CCNY: variants seen among roughly 807,000 people sequenced by gnomAD.
The protein encoded by CCNY is cyclin-Y.
CCNY carries 19 observed loss-of-function variants against 42.8 expected under a neutral mutation model. That is an observed-to-expected ratio of 0.44 (90% CI 0.31 to 0.65). The LOEUF is 0.65. Among genes scored for constraint, CCNY ranks in the 30% least tolerant of loss-of-function variants. The pLI is 0.07. For missense variants in CCNY, 370 were observed against 437.3 expected (o/e 0.85, Z 1.37); for synonymous variants, 165 against 162.7 (o/e 1.01, Z -0.11).
intron 3 of CCNY, among the ~76,000 whole-genome samples, chr10:35,266,114 G>C (rs537818411): frequency 3.4e-4 from 51 of 151,980 alleles, no homozygotes; most frequent in Non-Finnish European, 2.9e-5. Context: ...GTCTTGCTCT[G>C]TCCCCCAGGC....
chr10:35,312,006 T>C (rs562275551), intron 3 of CCNY, among the ~76,000 whole-genome samples: 1 of 150,126 alleles, frequency 6.7e-6, no homozygotes, highest in Non-Finnish European at 1.5e-5. Flanking sequence ...TTTTGTTTGG[T>C]TCCTTCTTGT....
intron 7 of CCNY, 53 bp from the exon 8 acceptor site, chr10:35,552,966 G>A (rs1841290218): frequency 6.5e-7 from 1 of 1,540,682 alleles, no homozygotes; most frequent in Non-Finnish European, 8.9e-7. Context: ...GAGGTGTGCT[G>A]GTGTTTAGGA....
intron 3 of CCNY, among the ~76,000 whole-genome samples, chr10:35,266,802 C>T (rs554432550): frequency 3.3e-5 from 5 of 152,048 alleles, no homozygotes; most frequent in Admixed American, 2.0e-4. Flanking sequence ...GACCTACTGT[C>T]GCCGGGTGCG....
chr10:35,451,003 C>T (rs962952824), intron 1 of CCNY, among the ~76,000 whole-genome samples: 4 of 152,048 alleles, frequency 2.6e-5, no homozygotes, highest in Admixed American at 2.0e-4. Flanking sequence ...GTTTTTTGTG[C>T]CCATGATCTC....
chr10:35,541,113 AT>A (rs34128223), intron 7 of CCNY, among the ~76,000 whole-genome samples: 288 of 150,292 alleles, frequency 1.9e-3, no homozygotes, highest in Non-Finnish European at 3.1e-3. Context: ...TTGATTTGAG[AT>A]TTTTTTTTAA....
chr10:35,511,448 A>C (rs2135402296), intron 3 of CCNY, among the ~76,000 whole-genome samples: 1 of 152,304 alleles, frequency 6.6e-6, no homozygotes. Flanking sequence ...CACTGTCAGC[A>C]GAGTGCTGAA....
intron 1 of CCNY, chr10:35,434,360 G>T (rs1253705248): frequency 1.3e-5 from 2 of 152,252 alleles, no homozygotes; most frequent in African/African-American, 4.8e-5. Context: ...TTATGACCCT[G>T]ATGGAGTGCC....
chr10:35,482,343 A>G (rs1157546853), intron 1 of CCNY, among the ~76,000 whole-genome samples: 1 of 152,170 alleles, frequency 6.6e-6, no homozygotes, highest in Admixed American at 6.5e-5. Flanking sequence ...CTGACTCTCT[A>G]AGTTGGTTTG....
intron 3 of CCNY, among the ~76,000 whole-genome samples, chr10:35,266,217 A>G (rs1229718716): frequency 6.7e-6 from 1 of 149,016 alleles, no homozygotes; most frequent in Non-Finnish European, 1.5e-5. Context: ...AGCTGGGATT[A>G]CAGGCATGCG....
chr10:35,450,502 G>C (rs560467589), intron 1 of CCNY, among the ~76,000 whole-genome samples: 42 of 152,174 alleles, frequency 2.8e-4, no homozygotes, highest in African/African-American at 8.9e-4. Flanking sequence ...GGGACAGCCT[G>C]GGAGTTGTCA....
chr10:35,248,929 C>G (rs945352032), intron 2 of CCNY, among the ~76,000 whole-genome samples: 1 of 152,070 alleles, frequency 6.6e-6, no homozygotes, highest in African/African-American at 2.4e-5. Context: ...TTTTAAAAGT[C>G]TTTTTTAGTG....
At chr10:35,510,734 A>G (rs555156579) in intron 3 of CCNY, among the ~76,000 whole-genome samples, 1 of 152,198 alleles carries the variant, frequency 6.6e-6, no homozygotes, top group Non-Finnish European at 1.5e-5. Context: ...TGATGAAGAC[A>G]TTGAAGCTTG....
At chr10:35,344,315 A>G (rs562790212) in intron 1 of CCNY, among the ~76,000 whole-genome samples, 27 of 152,294 alleles carry the variant, frequency 1.8e-4, no homozygotes, top group African/African-American at 6.3e-4. Flanking sequence ...CGCATTCCAG[A>G]TGAGGTTCTA....
chr10:35,399,315 C>CTCAGGGGGTCCTTCTCCATGG (rs1837592641), intron 1 of CCNY, among the ~76,000 whole-genome samples: 1 of 151,778 alleles, frequency 6.6e-6, no homozygotes, highest in Non-Finnish European at 1.5e-5. Context: ...GGCTTGACTG[C>CTCAGGGGGTCCTTCTCCATGG]CCAGGATGCT....
At chr10:35,344,944 A>G (rs1287060296) in intron 1 of CCNY, among the ~76,000 whole-genome samples, 1 of 152,204 alleles carries the variant, frequency 6.6e-6, no homozygotes, top group African/African-American at 2.4e-5. Context: ...CCTGGTGTAT[A>G]CGTGCCACAT....
At chr10:35,317,047 A>G (rs532841259) in intron 3 of CCNY, among the ~76,000 whole-genome samples, 8 of 152,278 alleles carry the variant, frequency 5.3e-5, no homozygotes, top group Admixed American at 2.6e-4. Context: ...GGGTTTCACC[A>G]TGTTGGCCAG....
intron 3 of CCNY, among the ~76,000 whole-genome samples, chr10:35,280,432 G>T (rs1158108831): frequency 2.7e-5 from 4 of 148,548 alleles, no homozygotes; most frequent in African/African-American, 7.5e-5. Context: ...GAGGAAAGGG[G>T]AGGAAGGAAA....
At chr10:35,409,181 A>C (rs1378327245) in intron 1 of CCNY, among the ~76,000 whole-genome samples, 2 of 138,970 alleles carry the variant, frequency 1.4e-5, no homozygotes, top group Non-Finnish European at 1.6e-5. Flanking sequence ...GGACTGTGGT[A>C]CAGTGTGGCC....
chr10:35,459,788 G>C (rs905986125), intron 1 of CCNY, among the ~76,000 whole-genome samples: 4 of 152,154 alleles, frequency 2.6e-5, no homozygotes, highest in Non-Finnish European at 5.9e-5. Context: ...TATTATACCT[G>C]TTACTTAATC....
Sources: gnomAD v4.1 joint callset for allele counts (sites outside exome capture counted in the v4.1 genomes callset) on GRCh38, gnomAD v4.1.1 for gene constraint, MANE v1.5 for transcripts, NCBI Gene and HGNC (gene_info 2026-07-23, HGNC 2026-07-21) for gene names.